Variants in GPD1L observed in about 807,000 individuals in gnomAD.
The protein encoded by GPD1L is glycerol-3-phosphate dehydrogenase 1-like protein.
A neutral mutation model predicts 32.9 loss-of-function variants in GPD1L; 17 were observed. The observed-to-expected ratio is 0.52, with a 90% CI of 0.35 to 0.78. The LOEUF (loss-of-function observed/expected upper bound fraction) is 0.78, where lower values mean the gene tolerates loss of function less well. GPD1L is among the 30% of genes least tolerant of loss of function. The probability of loss-of-function intolerance (pLI) is 0.01; values close to 1 mark genes in which losing one functional copy is unlikely to be tolerated. For missense variants in GPD1L, 361 were observed against 447.8 expected, an observed-to-expected ratio of 0.81 and a Z score of 1.75; for synonymous variants, 187 against 165.9, an observed-to-expected ratio of 1.13 and a Z score of -0.98.
chr3:32,164,563 G>A (rs1403567866), intron 7 of GPD1L, among the ~76,000 whole-genome samples: 1 of 152,190 alleles, frequency 6.6e-6, no homozygotes, highest in African/African-American at 2.4e-5. Flanking sequence ...AATACTTGCA[G>A]CAAGGCTGTG....
At chr3:32,149,052 TTG>T (rs370594716) in intron 5 of GPD1L, among the ~76,000 whole-genome samples, 50 of 152,246 alleles carry the variant, frequency 3.3e-4, no homozygotes, top group African/African-American at 1.0e-3. Flanking sequence ...TAGTTTGATT[TTG>T]TGTGTGTGTG....
intron 7 of GPD1L, among the ~76,000 whole-genome samples, chr3:32,161,553 T>A (rs1242694449): frequency 1.3e-5 from 2 of 152,186 alleles, no homozygotes; most frequent in East Asian, 3.8e-4. Flanking sequence ...AATTTTCAAG[T>A]GGCATCTTGA....
At chr3:32,117,199 C>T (rs1700344388) in intron 1 of GPD1L, among the ~76,000 whole-genome samples, 2 of 152,140 alleles carry the variant, frequency 1.3e-5, no homozygotes, top group South Asian at 4.1e-4. Flanking sequence ...TATAGGTATG[C>T]TTTTGTTTAA....
At chr3:32,114,698 G>A (rs546626591) in intron 1 of GPD1L, among the ~76,000 whole-genome samples, 4 of 151,700 alleles carry the variant, frequency 2.6e-5, no homozygotes, top group African/African-American at 7.3e-5. Flanking sequence ...ATGAAGCCGC[G>A]GACCCTCACG....
At chr3:32,154,380 T>C (rs1308110215) in intron 5 of GPD1L, among the ~76,000 whole-genome samples, 1 of 152,204 alleles carries the variant, frequency 6.6e-6, no homozygotes, top group East Asian at 1.9e-4. Flanking sequence ...TACAGCAACA[T>C]AGAAACACTG....
intron 4 of GPD1L, among the ~76,000 whole-genome samples, chr3:32,145,196 A>G (rs113895191): frequency 0.42 from 63,061 of 151,490 alleles, 13,895 homozygotes; most frequent in African/African-American, 0.55. Context: ...GCGCATGCCT[A>G]TAGTTGCAGC....
In GPD1L at chr3:32,128,154, C is replaced by G. The variant is rs2125478663; in HGVS notation, c.126C>G (p.Val42=). The change falls in exon 2 of 8, where the codon GTC becomes GTG. Residue 42 remains valine (V), a synonymous_variant. Transcript: ENST00000282541. ...QKFASTVKMW[V]FEETVNGRKL... ...TTGCCTCCACAGTCAAGATGTGGGT[C>G]TTTGAAGAAACAGTGAATGGCAGAA... 6.2e-7 allele frequency: 1 copy of G among 1,610,312 alleles called. No individual in the cohort carries two copies. Among genetic ancestry groups the G allele is most frequent in the Non-Finnish European group, 8.5e-7 (1 of 1,176,554 alleles).
intron 4 of GPD1L, among the ~76,000 whole-genome samples, chr3:32,146,225 C>G (rs954950245): frequency 6.6e-6 from 1 of 151,702 alleles, no homozygotes; most frequent in Non-Finnish European, 1.5e-5. Flanking sequence ...TAGCTGGGAC[C>G]ACAGGTACGT....
rs746135922 is a variant in GPD1L at position 32,128,133 on chromosome 3, C to T, written c.105C>T (p.Ala35=). The change falls in exon 2 of 8, where the codon GCC becomes GCT. Residue 35 remains alanine, a synonymous_variant. Transcript: ENST00000282541. ...GNNVKKLQKF[A]STVKMWVFEE... ...ATGTCAAGAAACTTCAGAAATTTGC[C>T]TCCACAGTCAAGATGTGGGTCTTTG... The T allele has an allele frequency of 1.9e-6, 3 of 1,611,768 alleles. No homozygotes were observed. In the African/African-American group the frequency reaches 4.0e-5, roughly 21 times the overall value.
At chr3:32,134,855 C>T (rs951670615) in intron 2 of GPD1L, among the ~76,000 whole-genome samples, 3 of 152,176 alleles carry the variant, frequency 2.0e-5, no homozygotes, top group African/African-American at 7.2e-5. Context: ...TTGCAAGACA[C>T]GGGTAGATTT....
Position 32,112,629 on chromosome 3 carries a change from C to A in GPD1L, c.47+5871C>A, listed in dbSNP as rs144551048. ...TCCAGCCTGGGTGACAGGAGGGAAA[C>A]CCTATCTCAAAAAAATATATATAAT... is the stretch of plus-strand genomic sequence containing the variant. On this transcript the variant is annotated intron_variant, in intron 1 of 7. Transcript: ENST00000282541. Among the ~76,000 whole-genome samples the A allele has an allele frequency of 9.4e-3, 1,423 of 152,086 alleles. 11 individuals carry two copies. Among genetic ancestry groups the A allele is most frequent in the Non-Finnish European group, 0.015 (1,004 of 67,972 alleles).
intron 5 of GPD1L, among the ~76,000 whole-genome samples, chr3:32,154,627 A>C (rs1405647703): frequency 6.6e-6 from 1 of 152,260 alleles, no homozygotes; most frequent in South Asian, 2.1e-4. Context: ...TCATGTTCCC[A>C]TGATAATAGG....
intron 1 of GPD1L, among the ~76,000 whole-genome samples, chr3:32,108,775 A>G (rs1301048313): frequency 6.6e-6 from 1 of 152,234 alleles, no homozygotes; most frequent in Non-Finnish European, 1.5e-5. Context: ...TGTTCTACAC[A>G]ATATTTAATA....
chr3:32,108,391 C>CG lies in GPD1L; in HGVS notation c.47+1635dup, dbSNP rs1434530413. Among the ~76,000 whole-genome samples the CG allele has an allele frequency of 2.6e-5, 4 of 152,246 alleles. No individual in the cohort carries two copies. In the East Asian group the frequency reaches 7.7e-4, roughly 29 times the overall value. On this transcript the variant is annotated intron_variant, in intron 1 of 7. Coordinates refer to ENST00000282541, the MANE Select transcript of GPD1L (RefSeq NM_015141.4). ...GTGTGGTGGCAGGCGCCTGTAGTCC[C>CG]GGCTACTTGGGATGCTAAGGCAGCA...
At chr3:32,115,733 C>CTAAA (rs1408607905) in intron 1 of GPD1L, among the ~76,000 whole-genome samples, 1 of 129,746 alleles carries the variant, frequency 7.7e-6, no homozygotes, top group Non-Finnish European at 1.6e-5. Context: ...CTTCAAGCAT[C>CTAAA]TAAACCCTTT....
chr3:32,142,684 C>T (rs891523766), intron 4 of GPD1L, among the ~76,000 whole-genome samples: 3 of 152,208 alleles, frequency 2.0e-5, no homozygotes, highest in African/African-American at 7.2e-5. Context: ...AAGACTAAAT[C>T]TTAATCTGCA....
At chr3:32,123,835 T>TAGAC (rs1385598722) in intron 1 of GPD1L, among the ~76,000 whole-genome samples, 62 of 133,908 alleles carry the variant, frequency 4.6e-4, no homozygotes, top group Non-Finnish European at 6.5e-4. Flanking sequence ...GATAGATAGA[T>TAGAC]AGATAGACAG....
At chr3:32,126,611 G>A (rs942596623) in intron 1 of GPD1L, among the ~76,000 whole-genome samples, 1 of 152,222 alleles carries the variant, frequency 6.6e-6, no homozygotes, top group African/African-American at 2.4e-5. Flanking sequence ...CAAAGTGTCA[G>A]TAGGAGAATT....
intron 5 of GPD1L, among the ~76,000 whole-genome samples, chr3:32,150,920 C>T (rs906963988): frequency 9.9e-5 from 15 of 152,062 alleles, no homozygotes; most frequent in Admixed American, 9.8e-4. Context: ...TGAGACCCCC[C>T]GCATCTCTAC....
Sources: allele counts gnomAD v4.1 joint callset (sites outside exome capture counted in the v4.1 genomes callset), GRCh38; gene constraint gnomAD v4.1.1; transcripts MANE v1.5; gene names NCBI Gene and HGNC (gene_info 2026-07-23, HGNC 2026-07-21).